Variants in NRXN2 observed in about 807,000 individuals in gnomAD.
NRXN2 encodes neurexin 2.
Under a neutral mutation model 128.8 loss-of-function variants are expected in NRXN2, and 29 were observed. That is an observed-to-expected ratio of 0.23 (90% CI 0.17 to 0.31). NRXN2 has a LOEUF of 0.31. Among genes scored for constraint, NRXN2 ranks in the 10% least tolerant of loss-of-function variants. The pLI, the probability that NRXN2 is intolerant of heterozygous loss-of-function variation, is 1.00. For missense variants in NRXN2, 1,881 were observed against 2,452.6 expected (o/e 0.77, Z 4.92); for synonymous variants, 1,098 against 1,075.2 (o/e 1.02, Z -0.41).
chr11:64,652,847 C>A (rs2047668978), intron 12 of NRXN2, among the ~76,000 whole-genome samples: 2 of 152,142 alleles, frequency 1.3e-5, no homozygotes, highest in South Asian at 4.1e-4. Flanking sequence ...CCAGGATTAT[C>A]AGCTTCCAGA....
chr11:64,620,961 T>G (rs2042251665), intron 21 of NRXN2, among the ~76,000 whole-genome samples: 1 of 151,578 alleles, frequency 6.6e-6, no homozygotes, highest in Admixed American at 6.6e-5. Flanking sequence ...AGAAAGAGAA[T>G]CCCCAAGATG....
intron 9 of NRXN2, 89 bp from the exon 10 acceptor site, chr11:64,661,228 G>A: frequency 6.3e-7 from 1 of 1,590,576 alleles, no homozygotes; most frequent in Non-Finnish European, 8.5e-7. Flanking sequence ...CACCTTGTGT[G>A]GGCCCCTCCA....
rs1329454474 is a variant in NRXN2 at position 64,697,766 on chromosome 11, T to C, written c.748+9A>G. 2 of 1,613,768 alleles carry C rather than the reference T, an allele frequency of 1.2e-6. No individual in the cohort carries two copies. The highest frequency in any genetic ancestry group is 3.3e-5 in the Admixed American group (2 of 60,004). ...TCCACTACCCCAGTGACAGAGAGGC[T>C]TCACTCACCTTCCATGGGGTGCTCC... On this transcript the variant is annotated intron_variant, in intron 3 of 22. Coordinates refer to ENST00000265459, the MANE Select transcript of NRXN2 (RefSeq NM_015080.4).
intron 1 of NRXN2, among the ~76,000 whole-genome samples, chr11:64,719,113 AGT>A (rs1421788250): frequency 6.6e-6 from 1 of 152,188 alleles, no homozygotes; most frequent in Admixed American, 6.5e-5. Context: ...GTGAAAAAAA[AGT>A]GTGTCGTATT....
chr11:64,718,783 C>T (rs544741326), intron 1 of NRXN2, among the ~76,000 whole-genome samples: 9 of 152,210 alleles, frequency 5.9e-5, no homozygotes, highest in South Asian at 4.1e-4. Flanking sequence ...GATTGGCAGA[C>T]GGTGAACAGT....
Position 64,619,327 on chromosome 11 carries a change from A to T in NRXN2, c.4252+967T>A, listed in dbSNP as rs138141662. 3.4e-3 allele frequency among the ~76,000 whole-genome samples: 508 copies of T among 150,808 alleles called. 3 individuals are homozygous for T. Among genetic ancestry groups the T allele is most frequent in the African/African-American group, 0.012 (478 of 40,974 alleles). ...TCCACTGGGAAATCTGGCCACATCCAGTCCTTTCTCTGCTCCCTCTGCCAG... is the reference window on the plus strand; with the variant it reads ...TCCACTGGGAAATCTGGCCACATCCTGTCCTTTCTCTGCTCCCTCTGCCAG... On this transcript the variant is annotated intron_variant, in intron 22 of 22. Coordinates refer to ENST00000265459, the MANE Select transcript of NRXN2 (RefSeq NM_015080.4).
chr11:64,630,076 T>G lies in NRXN2; in HGVS notation c.3757+326A>C, dbSNP rs1389400559. Among the ~76,000 whole-genome samples, 1 of 151,946 alleles carries G rather than the reference T, an allele frequency of 6.6e-6. No individual in the cohort carries two copies. Among genetic ancestry groups the G allele is most frequent in the Admixed American group, 6.6e-5 (1 of 15,260 alleles). ...TTTCCGCAATCGCATCAGATTCTCC[T>G]CACCTCTACCCTCCCTCCACTTCTC... On this transcript the variant is annotated intron_variant, in intron 19 of 22. Transcript: ENST00000265459. This position sits in a 1 kb window ranked among gnomAD's most constrained non-coding sequence, Gnocchi z 4.6.
intron 22 of NRXN2, among the ~76,000 whole-genome samples, chr11:64,612,046 C>T (rs1050191398): frequency 3.9e-5 from 6 of 152,172 alleles, no homozygotes; most frequent in African/African-American, 1.2e-4. Context: ...CCCATGAGAA[C>T]GCATGAGGAC....
Position 64,651,622 on chromosome 11 carries a change from C to T in NRXN2, c.2551G>A (p.Ala851Thr). ...NVTVEGQMAG[A>T]HMRLEFHNIE... ...TTGTGGAACTCCAGCCGCATATGGG[C>T]TCCTGCCATCTGTCCTGCTCAGGAC... Residue 851 changes from alanine (A) to threonine (T), a missense_variant, in exon 14 of 23, where the codon GCC becomes ACC. By Grantham distance (58) the Ala-to-Thr change is moderately conservative (BLOSUM62 0). Transcript: ENST00000265459. The surrounding 1 kb of genome is among the most constrained non-coding windows in gnomAD (Gnocchi z 5.9). The T allele has an allele frequency of 6.2e-7, 1 of 1,613,930 alleles. No individual in the cohort carries two copies. Among genetic ancestry groups the T allele is most frequent in the Non-Finnish European group, 8.5e-7 (1 of 1,179,978 alleles).
intron 17 of NRXN2, among the ~76,000 whole-genome samples, chr11:64,641,348 G>T (rs1195771040): frequency 6.6e-6 from 1 of 152,118 alleles, no homozygotes. Context: ...GCAGAGATGG[G>T]AAGTGATGAA....
chr11:64,701,518 C>G (rs564552062), intron 2 of NRXN2, among the ~76,000 whole-genome samples: 2 of 152,270 alleles, frequency 1.3e-5, no homozygotes, highest in Admixed American at 6.5e-5. Flanking sequence ...GTGGGAGGAT[C>G]ACTTGAGCCC....
intron 22 of NRXN2, among the ~76,000 whole-genome samples, chr11:64,608,777 C>A (rs1296684070): frequency 1.3e-5 from 2 of 152,220 alleles, no homozygotes; most frequent in Non-Finnish European, 2.9e-5. Flanking sequence ...CCCTCTCCCC[C>A]TCATTCAACA....
chr11:64,707,921 C>T (rs2056507963), intron 2 of NRXN2, among the ~76,000 whole-genome samples: 1 of 152,106 alleles, frequency 6.6e-6, no homozygotes, highest in Non-Finnish European at 1.5e-5. Flanking sequence ...TGGAGAAACC[C>T]CATCTCTACT....
intron 22 of NRXN2, among the ~76,000 whole-genome samples, chr11:64,616,591 A>G (rs2041568660): frequency 2.0e-5 from 3 of 152,136 alleles, no homozygotes; most frequent in Admixed American, 2.0e-4. Context: ...CACAAGGTAT[A>G]TGTCTCACTG....
Position 64,723,071 on chromosome 11 carries a change from C to T in NRXN2, c.-345G>A, listed in dbSNP as rs1407226618. 1 of 151,852 alleles carries T rather than the reference C, an allele frequency of 6.6e-6. No homozygotes were observed. The highest frequency in any genetic ancestry group is 1.5e-5 in the Non-Finnish European group (1 of 67,622). 9.4% of individuals were successfully genotyped at this position (151,852 alleles called of 1,614,324 possible). ...AGCCAGGGCTAGCGGTGTCTGCCGCCTCGCGCCTCTCTCCCTCCCCGCCGC... is the reference window on the plus strand; with the variant it reads ...AGCCAGGGCTAGCGGTGTCTGCCGCTTCGCGCCTCTCTCCCTCCCCGCCGC... On this transcript the variant is annotated 5_prime_UTR_variant, in exon 1 of 23. Transcript: ENST00000265459.
Position 64,635,136 on chromosome 11 carries a change from A to G in NRXN2, c.3585+135T>C, listed in dbSNP as rs2044511496. On this transcript the variant is annotated intron_variant, in intron 18 of 22. Transcript: ENST00000265459. The surrounding 1 kb of genome is among the most constrained non-coding windows in gnomAD (Gnocchi z 4.8). ...GCAGAACTTCTTAGCAGGAAGCTCC[A>G]GCAATGAGGGAACAGAGGTTCTGAG... 1.0e-6 allele frequency: 1 copy of G among 974,330 alleles called. No individual in the cohort carries two copies. The allele number at this position is 974,330 out of a possible 1,614,324, so 60.4% of individuals were successfully genotyped here.
chr11:64,611,338 C>T (rs1200805516), intron 22 of NRXN2, among the ~76,000 whole-genome samples: 2 of 152,214 alleles, frequency 1.3e-5, no homozygotes, highest in African/African-American at 4.8e-5. Context: ...TACAAACCAG[C>T]TCCCACCCCA....
At chr11:64,639,632 G>C (rs2045352399) in intron 17 of NRXN2, among the ~76,000 whole-genome samples, 1 of 152,100 alleles carries the variant, frequency 6.6e-6, no homozygotes, top group Non-Finnish European at 1.5e-5. Flanking sequence ...ACAGACATCA[G>C]GTACAGGAGT....
chr11:64,621,630 GAC>G (rs2042364318), intron 21 of NRXN2, among the ~76,000 whole-genome samples: 1 of 152,118 alleles, frequency 6.6e-6, no homozygotes, highest in Non-Finnish European at 1.5e-5. Context: ...ACAGACTGGT[GAC>G]AGAGGGAGGA....
Sources: allele counts gnomAD v4.1 joint callset (sites outside exome capture counted in the v4.1 genomes callset), GRCh38; gene constraint gnomAD v4.1.1; non-coding constraint Gnocchi (gnomAD v3.1); transcripts MANE v1.5; gene names NCBI Gene and HGNC (gene_info 2026-07-23, HGNC 2026-07-21).